RYR2: variants seen among roughly 807,000 people sequenced by gnomAD.
RYR2 encodes the protein ryanodine receptor 2, also known as cardiac muscle ryanodine receptor-calcium release channel.
RYR2 carries 227 observed loss-of-function variants against 601.1 expected under a neutral mutation model. The ratio of observed to expected loss-of-function variants is 0.38; its 90% CI spans 0.34 to 0.42. The LOEUF (loss-of-function observed/expected upper bound fraction) is 0.42. RYR2 is among the 10% of genes least tolerant of loss of function. The pLI, the probability that RYR2 is intolerant of heterozygous loss-of-function variation, is 1.00. For missense variants in RYR2, 4,646 were observed against 6,156.5 expected (o/e 0.75, Z 8.21); for synonymous variants, 2,223 against 2,175.1 (o/e 1.02, Z -0.61).
At chr1:237,351,041 GA>G (rs1291235254) in intron 3 of RYR2, among the ~76,000 whole-genome samples, 3 of 152,072 alleles carry the variant, frequency 2.0e-5, no homozygotes, top group African/African-American at 7.2e-5. Context: ...TCAAAGGTTT[GA>G]AATAAGAGTG....
At chr1:237,378,606 C>T (rs535472522) in intron 8 of RYR2, among the ~76,000 whole-genome samples, 6 of 152,180 alleles carry the variant, frequency 3.9e-5, no homozygotes, top group African/African-American at 9.6e-5. Flanking sequence ...TAGCAGATAC[C>T]GGGTTATAGA....
intron 1 of RYR2, among the ~76,000 whole-genome samples, chr1:237,164,561 G>C (rs1676431526): frequency 2.0e-5 from 3 of 152,166 alleles, no homozygotes; most frequent in African/African-American, 7.2e-5. Flanking sequence ...CCCAGTTAAT[G>C]ATGAGGGCCA....
At chr1:237,157,038 G>A (rs1307193973) in intron 1 of RYR2, among the ~76,000 whole-genome samples, 3 of 152,126 alleles carry the variant, frequency 2.0e-5, no homozygotes, top group Admixed American at 2.0e-4. Flanking sequence ...GCTCACGCCT[G>A]TAATCCCAGC....
At chr1:237,284,757 A>AT (rs1691357730) in intron 2 of RYR2, among the ~76,000 whole-genome samples, 1 of 150,836 alleles carries the variant, frequency 6.6e-6, no homozygotes, top group African/African-American at 2.4e-5. Flanking sequence ...GAAGATGGGC[A>AT]TTTTTTTATT....
chr1:237,336,685 G>A lies in RYR2; in HGVS notation c.273+5703G>A, dbSNP rs12048710. Among the ~76,000 whole-genome samples, 1,278 of 150,910 alleles carry A rather than the reference G, an allele frequency of 8.5e-3. 74 individuals carry two copies. In the East Asian group the frequency reaches 0.14, roughly 16 times the overall value. On this transcript the variant is annotated intron_variant, in intron 3 of 104. Coordinates refer to ENST00000366574, the MANE Select transcript of RYR2 (RefSeq NM_001035.3). ...AGCCTGGCCAATGTGGAGAAACCCCGTCTCTTATGAAAAATACAAAAATTA... is the reference window on the plus strand; with the variant it reads ...AGCCTGGCCAATGTGGAGAAACCCCATCTCTTATGAAAAATACAAAAATTA...
chr1:237,779,205 G>C (rs1031424457), intron 88 of RYR2, among the ~76,000 whole-genome samples: 1 of 152,160 alleles, frequency 6.6e-6, no homozygotes, highest in East Asian at 1.9e-4. Context: ...TCAGTAGGGC[G>C]ATGCTTACCC....
Position 237,833,636 on chromosome 1 carries a change from A to G in RYR2, c.*989A>G, listed in dbSNP as rs2102979333. ...TCTGGAGCCAGTGTCATCCACCAAC[A>G]ATGTGATACAATATGAACTTGACAG... On this transcript the variant is annotated 3_prime_UTR_variant, in exon 105 of 105. Coordinates refer to ENST00000366574, the MANE Select transcript of RYR2 (RefSeq NM_001035.3). The G allele has an allele frequency of 6.5e-6, 1 of 152,706 alleles. No homozygotes were observed. Among genetic ancestry groups the G allele is most frequent in the East Asian group, 1.9e-4 (1 of 5,168 alleles). 9.5% of individuals were successfully genotyped at this position (152,706 alleles called of 1,614,324 possible). A position where few individuals can be genotyped will look rare whatever the true frequency, so the allele number is the denominator to read the frequency against.
intron 2 of RYR2, among the ~76,000 whole-genome samples, chr1:237,317,251 G>A (rs1271457691): frequency 6.6e-6 from 1 of 152,146 alleles, no homozygotes; most frequent in South Asian, 2.1e-4. Flanking sequence ...CTCTACCTCA[G>A]AAGTGTCTTC....
At chr1:237,587,109 C>T (rs1674612918) in intron 29 of RYR2, among the ~76,000 whole-genome samples, 1 of 152,166 alleles carries the variant, frequency 6.6e-6, no homozygotes, top group Admixed American at 6.6e-5. Context: ...TACTTTCTGA[C>T]ACATGGTAGT....
intron 1 of RYR2, among the ~76,000 whole-genome samples, chr1:237,082,557 A>ATATATATATATAT (rs1558200785): frequency 4.5e-5 from 5 of 110,024 alleles, no homozygotes; most frequent in Admixed American, 9.5e-5. Flanking sequence ...ATATATATAT[A>ATATATATATATAT]AAATCGGATA....
At chr1:237,789,340 A>T (rs1326410947) in intron 92 of RYR2, among the ~76,000 whole-genome samples, 2 of 152,194 alleles carry the variant, frequency 1.3e-5, no homozygotes, top group Non-Finnish European at 2.9e-5. Context: ...AAACATGGTT[A>T]TGTATTATAT....
intron 1 of RYR2, among the ~76,000 whole-genome samples, chr1:237,172,658 G>A (rs1034067768): frequency 6.6e-6 from 1 of 152,098 alleles, no homozygotes; most frequent in Non-Finnish European, 1.5e-5. Flanking sequence ...TTTGCTGTAG[G>A]TTGTTTCTGG....
chr1:237,417,192 G>A (rs1705095738), intron 11 of RYR2, 69 bp downstream of exon 11: 1 of 1,226,020 alleles, frequency 8.2e-7, no homozygotes, highest in Non-Finnish European at 1.2e-6. Flanking sequence ...GTGCTTCTGT[G>A]TCAGCCTGTG....
chr1:237,505,206 G>A (rs1665091520), intron 22 of RYR2, among the ~76,000 whole-genome samples: 1 of 152,126 alleles, frequency 6.6e-6, no homozygotes, highest in African/African-American at 2.4e-5. Flanking sequence ...CATATTACTT[G>A]GCAAATAGTC....
chr1:237,684,289 A>G (rs1686167235), intron 62 of RYR2, among the ~76,000 whole-genome samples: 1 of 152,028 alleles, frequency 6.6e-6, no homozygotes, highest in Non-Finnish European at 1.5e-5. Context: ...CTGAGGCCTG[A>G]AGATAAACAC....
rs139887903 is a variant in RYR2, at chr1:237,191,566, T to C, written c.49-78931T>C. ...AGCTGTTGGATAGAAAACACTTCTT[T>C]TGCTGCGGAGGGGCTTGCGTTGCCA... On this transcript the variant is annotated intron_variant, in intron 1 of 104. Coordinates refer to ENST00000366574, the MANE Select transcript of RYR2 (RefSeq NM_001035.3). Among the ~76,000 whole-genome samples, 806 of 152,262 alleles carry C rather than the reference T, an allele frequency of 5.3e-3. 7 individuals carry two copies. Among genetic ancestry groups the C allele is most frequent in the South Asian group, 0.029 (142 of 4,820 alleles).
chr1:237,164,448 T>A (rs1248836318), intron 1 of RYR2, among the ~76,000 whole-genome samples: 3 of 152,292 alleles, frequency 2.0e-5, no homozygotes, highest in African/African-American at 4.8e-5. Context: ...GTTTGGGCTC[T>A]TGGGGTACAG....
chr1:237,137,425 C>G (rs972143054), intron 1 of RYR2, among the ~76,000 whole-genome samples: 1 of 152,224 alleles, frequency 6.6e-6, no homozygotes, highest in Non-Finnish European at 1.5e-5. Context: ...GTGAGATATC[C>G]TTTCCTCAAC....
At chr1:237,518,100 A>G (rs1666737310) in intron 24 of RYR2, among the ~76,000 whole-genome samples, 1 of 151,952 alleles carries the variant, frequency 6.6e-6, no homozygotes, top group African/African-American at 2.4e-5. Context: ...ATTTTCTTCC[A>G]TTATTAATGT....
Sources: allele counts gnomAD v4.1 joint callset (sites outside exome capture counted in the v4.1 genomes callset), GRCh38; gene constraint gnomAD v4.1.1; transcripts MANE v1.5; gene names NCBI Gene and HGNC (gene_info 2026-07-23, HGNC 2026-07-21).